The following POLR3C variants were observed in gnomAD, a reference collection of about 807,000 sequenced individuals.
POLR3C encodes RNA polymerase III subunit C.
In POLR3C, 44 loss-of-function variants were observed where a neutral mutation model predicts 65.9. That is an observed-to-expected ratio of 0.67 (90% CI 0.52 to 0.86). The LOEUF (loss-of-function observed/expected upper bound fraction) is 0.86. Ranked by LOEUF, POLR3C falls within the 40% of genes least tolerant of loss-of-function variation. POLR3C has a pLI of 0.00. For missense variants in POLR3C, 576 were observed against 653.2 expected, an observed-to-expected ratio of 0.88 and a Z score of 1.29; for synonymous variants, 263 against 231.6, an observed-to-expected ratio of 1.14 and a Z score of -1.23.
chr1:145,827,020 C>A lies in POLR3C; in HGVS notation c.589+15C>A, dbSNP rs587673248. 2 of 1,575,292 alleles carry A rather than the reference C, an allele frequency of 1.3e-6. No individual in the cohort carries two copies. Among genetic ancestry groups the A allele is most frequent in the Middle Eastern group, 1.7e-4 (1 of 5,956 alleles). ...CAGCTTGATAGGTAAGGAATTTTAA[C>A]CCCTGGAACTGTGACTTGCCTTAAT... On this transcript the variant is annotated intron_variant, in intron 4 of 14. Coordinates refer to ENST00000334163, the MANE Select transcript of POLR3C (RefSeq NM_006468.8).
In POLR3C at chr1:145,825,933, A is replaced by C. The variant is rs781843408; in HGVS notation, c.147+10A>C. On this transcript the variant is annotated intron_variant, in intron 2 of 14. Transcript: ENST00000334163. ...AACATCACTGGATCAGGTATGTCTA[A>C]ATGACATTCATTTTCTCTCATTTCT... 6.3e-7 allele frequency: 1 copy of C among 1,588,738 alleles called. No homozygotes were observed. Among genetic ancestry groups the C allele is most frequent in the Non-Finnish European group, 8.6e-7 (1 of 1,159,438 alleles).
At chr1:145,835,317 C>T (rs1363797199) in intron 7 of POLR3C, among the ~76,000 whole-genome samples, 2 of 150,196 alleles carry the variant, frequency 1.3e-5, no homozygotes, top group African/African-American at 4.9e-5. Flanking sequence ...TGGTGATGGG[C>T]GCCTGTAATC....
At chr1:145,834,520 A>G (rs1273195219) in intron 7 of POLR3C, among the ~76,000 whole-genome samples, 2 of 151,922 alleles carry the variant, frequency 1.3e-5, no homozygotes, top group Non-Finnish European at 2.9e-5. Flanking sequence ...AAAAAAAAAA[A>G]AAAAATTAGC....
intron 7 of POLR3C, 131 bp downstream of exon 7, chr1:145,833,713 AT>A: frequency 1.5e-6 from 1 of 673,282 alleles, no homozygotes; most frequent in Non-Finnish European, 2.7e-6. Flanking sequence ...TGGAGCAGGG[AT>A]TATCTTCAAG....
rs879963135 is a variant in POLR3C, at chr1:145,844,300, T to C, written c.*1880T>C. ...AATAGATGAAAGGCTAAAGAAAATGTATTATTCAGCCATAAGAATGAATGA... is the reference window on the plus strand; with the variant it reads ...AATAGATGAAAGGCTAAAGAAAATGCATTATTCAGCCATAAGAATGAATGA... On this transcript the variant is annotated 3_prime_UTR_variant, in exon 15 of 15. Transcript: ENST00000334163. 6.6e-6 allele frequency among the ~76,000 whole-genome samples: 1 copy of C among 152,194 alleles called. No individual in the cohort carries two copies.
At chr1:145,827,086 G>GT in intron 4 of POLR3C, 81 bp downstream of exon 4, 1 of 1,125,416 alleles carries the variant, frequency 8.9e-7, no homozygotes, top group Non-Finnish European at 1.3e-6. Context: ...AAATGTGATT[G>GT]TATTTACCAA....
At chr1:145,826,397 G>T in intron 2 of POLR3C, 57 bp from the exon 3 acceptor site, 2 of 1,559,578 alleles carry the variant, frequency 1.3e-6, no homozygotes, top group Admixed American at 1.7e-5. Context: ...ATTGCCAGCA[G>T]TAATGAGCTA....
chr1:145,836,430 T>C, intron 7 of POLR3C, 64 bp from the exon 8 acceptor site: 1 of 932,436 alleles, frequency 1.1e-6, no homozygotes, highest in South Asian at 1.3e-5. Context: ...TAAAACATCT[T>C]TATTTCAGTA....
chr1:145,824,656 G>T (rs1202667973), intron 1 of POLR3C: 1 of 568,322 alleles, frequency 1.8e-6, no homozygotes. Flanking sequence ...TAATAAGGAA[G>T]TAATCATAAA....
In POLR3C at chr1:145,836,544, T is replaced by C. The variant is rs1553728697; in HGVS notation, c.927T>C (p.Asp309=). ...ATAACATCTCTAAGCAAGTTCTTGA[T>C]CAGTATCTCACTCTGCTGGCAGATG... The part of the protein sequence containing the change: ...VGYNISKQVL[D]QYLTLLADDP... The change falls in exon 8 of 15, where the codon GAT becomes GAC. Residue 309 remains aspartate, a synonymous_variant. Coordinates refer to ENST00000334163, the MANE Select transcript of POLR3C (RefSeq NM_006468.8). 6.2e-7 allele frequency: 1 copy of C among 1,609,176 alleles called. No individual in the cohort carries two copies. Among genetic ancestry groups the C allele is most frequent in the Non-Finnish European group, 8.5e-7 (1 of 1,175,538 alleles).
chr1:145,834,094 G>A (rs923013872), intron 7 of POLR3C, among the ~76,000 whole-genome samples: 15 of 152,132 alleles, frequency 9.9e-5, no homozygotes, highest in Non-Finnish European at 1.9e-4. Context: ...GACTGAACGG[G>A]ATAGCCTATG....
chr1:145,832,900 T>C (rs2101643401), intron 5 of POLR3C, among the ~76,000 whole-genome samples: 1 of 152,162 alleles, frequency 6.6e-6, no homozygotes, highest in South Asian at 2.1e-4. Flanking sequence ...TGGTTGCCTG[T>C]AATCCCAACT....
At chr1:145,825,612 G>C in intron 1 of POLR3C, 145 bp from the exon 2 acceptor site, 1 of 521,130 alleles carries the variant, frequency 1.9e-6, no homozygotes, top group Non-Finnish European at 3.4e-6. Context: ...AGAAATTGTT[G>C]TTTCAAAGAT....
chr1:145,839,467 T>C, intron 11 of POLR3C: 1 of 162,346 alleles, frequency 6.2e-6, no homozygotes, highest in Non-Finnish European at 1.3e-5. Flanking sequence ...CGGGCACACC[T>C]GTATTCTCAG....
chr1:145,826,343 T>G (rs1391926441), intron 2 of POLR3C, 111 bp from the exon 3 acceptor site: 1 of 838,018 alleles, frequency 1.2e-6, no homozygotes. Context: ...AGTGCAGAAA[T>G]TATCTAGCCA....
chr1:145,836,469 A>T, intron 7 of POLR3C, 25 bp from the exon 8 acceptor site: 1 of 1,411,374 alleles, frequency 7.1e-7, no homozygotes, highest in Non-Finnish European at 1.0e-6. Context: ...TCCCAAACCC[A>T]TTTTAAGTGT....
intron 6 of POLR3C, 39 bp downstream of exon 6, chr1:145,833,403 A>G: frequency 6.5e-7 from 1 of 1,531,756 alleles, no homozygotes; most frequent in Non-Finnish European, 9.0e-7. Flanking sequence ...CATCAGGGAC[A>G]TTTACTTATT....
At chr1:145,828,098 A>G (rs1650936766) in intron 4 of POLR3C, among the ~76,000 whole-genome samples, 2 of 152,328 alleles carry the variant, frequency 1.3e-5, no homozygotes, top group East Asian at 3.9e-4. Flanking sequence ...TAGTAAAAAA[A>G]TAGCATTTGA....
chr1:145,833,444 A>AG lies in POLR3C; in HGVS notation c.784-42dup, dbSNP rs1390689028. 3.9e-6 allele frequency: 6 copies of AG among 1,549,024 alleles called. No homozygotes were observed. The African/African-American group carries it at 8.1e-5, about 21-fold the overall frequency. On this transcript the variant is annotated intron_variant, in intron 6 of 14. Coordinates refer to ENST00000334163, the MANE Select transcript of POLR3C (RefSeq NM_006468.8). The stretch of plus-strand genomic sequence containing the variant: ...GATATGGCCATTGGCACATAGAGCC[A>AG]GGGGCAGCACTGTGATTTCTGAATT...
Sources: gnomAD v4.1 joint callset for allele counts (sites outside exome capture counted in the v4.1 genomes callset) on GRCh38, gnomAD v4.1.1 for gene constraint, MANE v1.5 for transcripts, NCBI Gene and HGNC (gene_info 2026-07-23, HGNC 2026-07-21) for gene names.